AKAP6: variants seen among roughly 807,000 people sequenced by gnomAD.
AKAP6 encodes the protein A-kinase anchor protein 6.
A neutral mutation model predicts 188.5 loss-of-function variants in AKAP6; 58 were observed. The ratio of observed to expected loss-of-function variants is 0.31; its 90% CI spans 0.25 to 0.38. The LOEUF is 0.38. Among genes scored for constraint, AKAP6 ranks in the 10% least tolerant of loss-of-function variants. The pLI is 1.00. For missense variants in AKAP6, 2,710 were observed against 2,740.0 expected (o/e 0.99, Z 0.24); for synonymous variants, 989 against 998.6 (o/e 0.99, Z 0.18).
intron 7 of AKAP6, among the ~76,000 whole-genome samples, chr14:32,654,482 C>A (rs76620505): frequency 2.1e-4 from 32 of 152,170 alleles, no homozygotes; most frequent in Non-Finnish European, 3.8e-4. Flanking sequence ...ACACACAATT[C>A]TGTGAATTAA....
chr14:32,687,331 C>T (rs1451521516), intron 8 of AKAP6, among the ~76,000 whole-genome samples: 3 of 151,658 alleles, frequency 2.0e-5, no homozygotes, highest in South Asian at 4.2e-4. Flanking sequence ...GGATTTCCTG[C>T]CATGGGGTGA....
At chr14:32,627,356 G>A (rs1178879928) in intron 7 of AKAP6, among the ~76,000 whole-genome samples, 1 of 152,046 alleles carries the variant, frequency 6.6e-6, no homozygotes, top group Non-Finnish European at 1.5e-5. Context: ...TGACTTGTAA[G>A]AAAATTAGTG....
chr14:32,430,207 C>T (rs1395745907), intron 1 of AKAP6, among the ~76,000 whole-genome samples: 1 of 152,166 alleles, frequency 6.6e-6, no homozygotes, highest in Non-Finnish European at 1.5e-5. Flanking sequence ...GCTTTGAAAT[C>T]TCTGGATAAA....
At chr14:32,350,322 ATTC>A (rs1056707923) in intron 1 of AKAP6, among the ~76,000 whole-genome samples, 2 of 152,214 alleles carry the variant, frequency 1.3e-5, no homozygotes, top group African/African-American at 4.8e-5. Context: ...CCTCCATGGT[ATTC>A]TTCTCAAATA....
intron 1 of AKAP6, among the ~76,000 whole-genome samples, chr14:32,422,436 A>T (rs1234390238): frequency 1.3e-5 from 2 of 152,212 alleles, no homozygotes; most frequent in Non-Finnish European, 2.9e-5. Context: ...ACAGGAAGGA[A>T]CATGTAGGGA....
chr14:32,365,176 C>G (rs549312518), intron 1 of AKAP6, among the ~76,000 whole-genome samples: 28 of 152,168 alleles, frequency 1.8e-4, no homozygotes, highest in Non-Finnish European at 3.5e-4. Flanking sequence ...TGGAATCTCT[C>G]TAATCTCTGC....
chr14:32,381,766 C>T lies in AKAP6; in HGVS notation c.-34-51694C>T, dbSNP rs74041615. ...ATTTTAGTTCTCTGCTTCATTGTCCCTCCTTTTCTTCTAACTTACCTCATC... is the reference window on the plus strand; with the variant it reads ...ATTTTAGTTCTCTGCTTCATTGTCCTTCCTTTTCTTCTAACTTACCTCATC... On this transcript the variant is annotated intron_variant, in intron 1 of 13. Coordinates refer to ENST00000280979, the MANE Select transcript of AKAP6 (RefSeq NM_004274.5). 3.1e-3 allele frequency among the ~76,000 whole-genome samples: 476 copies of T among 152,208 alleles called. 2 individuals carry two copies. Among genetic ancestry groups the T allele is most frequent in the African/African-American group, 9.6e-3 (400 of 41,516 alleles).
At chr14:32,378,374 A>G (rs952627314) in intron 1 of AKAP6, among the ~76,000 whole-genome samples, 1 of 152,210 alleles carries the variant, frequency 6.6e-6, no homozygotes, top group African/African-American at 2.4e-5. Flanking sequence ...TTAAGCATGG[A>G]ATAATAAGAG....
chr14:32,343,837 C>T, intron 1 of AKAP6, among the ~76,000 whole-genome samples: 1 of 151,342 alleles, frequency 6.6e-6, no homozygotes, highest in East Asian at 1.9e-4. Context: ...CTGCTTGGCC[C>T]ATGCTTCACA....
chr14:32,597,948 C>T (rs1885772117), intron 5 of AKAP6, among the ~76,000 whole-genome samples: 1 of 151,954 alleles, frequency 6.6e-6, no homozygotes, highest in South Asian at 2.1e-4. Context: ...TTCAGACTCA[C>T]CACTGACCAC....
chr14:32,386,584 T>A (rs577727983), intron 1 of AKAP6, among the ~76,000 whole-genome samples: 1 of 152,342 alleles, frequency 6.6e-6, no homozygotes, highest in Non-Finnish European at 1.5e-5. Context: ...CTGTTTCTTT[T>A]GCCATGCAAA....
intron 2 of AKAP6, among the ~76,000 whole-genome samples, chr14:32,490,799 C>T (rs1442947048): frequency 6.6e-6 from 1 of 152,148 alleles, no homozygotes; most frequent in Admixed American, 6.5e-5. Context: ...ATCTTCAGAA[C>T]TGATTCTTAT....
chr14:32,598,683 AG>A (rs568195918), intron 5 of AKAP6, among the ~76,000 whole-genome samples: 1 of 152,146 alleles, frequency 6.6e-6, no homozygotes, highest in African/African-American at 2.4e-5. Flanking sequence ...AGGAGCGGAG[AG>A]GGGGGAGTAA....
chr14:32,524,890 G>T (rs183784975), intron 2 of AKAP6, among the ~76,000 whole-genome samples: 1 of 152,270 alleles, frequency 6.6e-6, no homozygotes, highest in East Asian at 1.9e-4. Flanking sequence ...TTAAGAAAAT[G>T]CAGGTTCTTT....
chr14:32,623,215 T>C (rs545810974), intron 7 of AKAP6, among the ~76,000 whole-genome samples: 6 of 152,242 alleles, frequency 3.9e-5, no homozygotes, highest in Non-Finnish European at 7.4e-5. Flanking sequence ...TTGAAATATG[T>C]TTTCAATATT....
chr14:32,704,145 C>T (rs900964725), intron 9 of AKAP6, among the ~76,000 whole-genome samples: 1 of 152,040 alleles, frequency 6.6e-6, no homozygotes, highest in Non-Finnish European at 1.5e-5. Flanking sequence ...AAGTAATAAC[C>T]ATCATGTTAA....
At position 32,822,010 on chromosome 14, in the gene AKAP6, C is replaced by T. The variant is rs2034535941; in HGVS notation, c.4197C>T (p.Asp1399=). 1 of 1,613,730 alleles carries T rather than the reference C, an allele frequency of 6.2e-7. No homozygotes were observed. Among genetic ancestry groups the T allele is most frequent in the African/African-American group, 1.3e-5 (1 of 74,844 alleles). The change falls in exon 13 of 14, where the codon GAC becomes GAT. Residue 1399 remains aspartate, a synonymous_variant. Transcript: ENST00000280979. ...GTAACCTTGAAACTGAACATCTGGA[C>T]CCACAAATGGGAGATGCAGTTAACG... The part of the protein sequence containing the change: ...SPSNLETEHL[D]PQMGDAVNVL...
At chr14:32,664,932 A>T (rs1430625733) in intron 7 of AKAP6, among the ~76,000 whole-genome samples, 1 of 152,094 alleles carries the variant, frequency 6.6e-6, no homozygotes, top group Non-Finnish European at 1.5e-5. Context: ...TTCCACCCAT[A>T]GCTTTTCTTA....
intron 7 of AKAP6, among the ~76,000 whole-genome samples, chr14:32,613,078 A>G (rs1886420432): frequency 6.6e-6 from 1 of 152,218 alleles, no homozygotes; most frequent in South Asian, 2.1e-4. Flanking sequence ...AATGTAGTTT[A>G]TACACTTCTA....
Sources: allele counts gnomAD v4.1 joint callset (sites outside exome capture counted in the v4.1 genomes callset), GRCh38; gene constraint gnomAD v4.1.1; transcripts MANE v1.5; gene names NCBI Gene and HGNC (gene_info 2026-07-23, HGNC 2026-07-21).